The following ARHGEF3 variants were observed in gnomAD, a reference collection of about 807,000 sequenced individuals.
ARHGEF3 encodes 59.8 kDA protein.
Under a neutral mutation model 63.2 loss-of-function variants are expected in ARHGEF3, and 28 were observed. That is an observed-to-expected ratio of 0.44 (90% CI 0.33 to 0.61). ARHGEF3 has a LOEUF of 0.61. Ranked by LOEUF, ARHGEF3 falls within the 20% of genes least tolerant of loss-of-function variation. The pLI is 0.03. For missense variants in ARHGEF3, 533 were observed against 659.3 expected (o/e 0.81, Z 2.10); for synonymous variants, 266 against 254.2 (o/e 1.05, Z -0.44).
chr3:57,076,923 C>T (rs181062453), intron 1 of ARHGEF3: 1 of 152,210 alleles, frequency 6.6e-6, no homozygotes, highest in Admixed American at 6.5e-5. Context: ...AAGATCATCC[C>T]GGGCAAGCTC....
intron 2 of ARHGEF3, among the ~76,000 whole-genome samples, chr3:56,971,371 G>A (rs1195384955): frequency 6.6e-6 from 1 of 152,112 alleles, no homozygotes; most frequent in Non-Finnish European, 1.5e-5. Context: ...GCGTCTCTCA[G>A]GCCGTGCTGG....
chr3:56,814,565 T>A (rs943202894), intron 4 of ARHGEF3, among the ~76,000 whole-genome samples: 1 of 152,180 alleles, frequency 6.6e-6, no homozygotes, highest in Non-Finnish European at 1.5e-5. Flanking sequence ...TAAAAACACA[T>A]GAATAATCCA....
intron 2 of ARHGEF3, among the ~76,000 whole-genome samples, chr3:56,985,224 G>A (rs1701487552): frequency 1.3e-5 from 2 of 152,170 alleles, no homozygotes; most frequent in African/African-American, 4.8e-5. Context: ...AAGTAGCTGG[G>A]ACTATAGGTG....
intron 3 of ARHGEF3, among the ~76,000 whole-genome samples, chr3:56,905,473 T>A (rs530811156): frequency 6.6e-6 from 1 of 152,372 alleles, no homozygotes; most frequent in Admixed American, 6.5e-5. Flanking sequence ...AATGTATTTA[T>A]TTAAGTCCCC....
chr3:56,854,953 G>A (rs1160499401), intron 4 of ARHGEF3, among the ~76,000 whole-genome samples: 1 of 152,206 alleles, frequency 6.6e-6, no homozygotes, highest in Non-Finnish European at 1.5e-5. Flanking sequence ...GTAAACAGGA[G>A]AGTGTGCAGT....
chr3:57,028,234 C>T (rs1423398969), intron 2 of ARHGEF3, among the ~76,000 whole-genome samples: 2 of 136,640 alleles, frequency 1.5e-5, no homozygotes, highest in Non-Finnish European at 3.1e-5. Context: ...TATAAAGACA[C>T]ATGCACACGT....
chr3:57,055,871 T>C (rs1299730319), intron 1 of ARHGEF3, among the ~76,000 whole-genome samples: 2 of 152,184 alleles, frequency 1.3e-5, no homozygotes, highest in Non-Finnish European at 2.9e-5. Context: ...TCCACAACTT[T>C]CCATAAGTCC....
At chr3:57,007,226 G>A (rs971805062) in intron 2 of ARHGEF3, 13 of 1,289,382 alleles carry the variant, frequency 1.0e-5, no homozygotes, top group Non-Finnish European at 1.2e-5. Context: ...CGAAGGTGGG[G>A]GGGTCAATAA....
intron 7 of ARHGEF3, 149 bp from the exon 8 acceptor site, chr3:56,737,504 A>AC: frequency 1.7e-6 from 1 of 587,312 alleles, no homozygotes; most frequent in Non-Finnish European, 2.9e-6. Flanking sequence ...AGAAAAAAAA[A>AC]AAACATAAAT....
chr3:56,821,052 AC>A (rs1001836683), intron 4 of ARHGEF3, among the ~76,000 whole-genome samples: 10 of 152,060 alleles, frequency 6.6e-5, no homozygotes, highest in Non-Finnish European at 5.9e-5. Flanking sequence ...AATCCCAGCT[AC>A]CTGGGAGGCA....
intron 3 of ARHGEF3, chr3:56,941,103 A>G: frequency 6.5e-6 from 1 of 153,136 alleles, no homozygotes; most frequent in Non-Finnish European, 1.5e-5. Flanking sequence ...GAGAACTGGG[A>G]GAGGAGGTGG....
Position 56,970,376 on chromosome 3 carries a change from T to A in ARHGEF3, c.63-11487A>T, listed in dbSNP as rs73833781. Among the ~76,000 whole-genome samples, 531 of 152,062 alleles carry A rather than the reference T, an allele frequency of 3.5e-3. 2 individuals carry two copies. The highest frequency in any genetic ancestry group is 0.012 in the African/African-American group (480 of 41,488). On this transcript the variant is annotated intron_variant, in intron 2 of 12. Coordinates refer to the ARHGEF3 transcript ENST00000338458. ...CTATTAACTACTCCAGAAGAGAAAA[T>A]TCAGTAAATAAGCTGAGAAAGCAAG...
rs1193823551 is a variant in ARHGEF3, at chr3:56,967,532, A to AAT, written c.63-8645_63-8644dup. ...ATATAATATAATATATTATATGTATAATATATTACATATTATGTACATTAT... is the reference window on the plus strand; with the variant it reads ...ATATAATATAATATATTATATGTATAATATATATTACATATTATGTACATTAT... On this transcript the variant is annotated intron_variant, in intron 2 of 12. Transcript: ENST00000338458. Among the ~76,000 whole-genome samples the AAT allele has an allele frequency of 2.6e-4, 23 of 90,152 alleles. No homozygotes were observed. In the Admixed American group the frequency reaches 3.5e-3, roughly 14 times the overall value. The allele number at this position is 90,152 out of a possible 152,430, so 59.1% of individuals were successfully genotyped here.
At chr3:57,011,399 A>G (rs1000517021) in intron 2 of ARHGEF3, among the ~76,000 whole-genome samples, 4 of 152,202 alleles carry the variant, frequency 2.6e-5, no homozygotes, top group African/African-American at 9.7e-5. Flanking sequence ...CCCACATTCA[A>G]ATATATACGT....
Position 57,042,688 on chromosome 3 carries a change from A to ATTTTTTT in ARHGEF3, c.-27-7513_-27-7512insAAAAAAA, listed in dbSNP as rs1560156283. Among the ~76,000 whole-genome samples, 14 of 8,854 alleles carry ATTTTTTT rather than the reference A, an allele frequency of 1.6e-3. 1 individual carries two copies. Among genetic ancestry groups the ATTTTTTT allele is most frequent in the South Asian group, 0.013 (3 of 224 alleles). The allele number at this position is 8,854 out of a possible 152,430, so 5.8% of individuals were successfully genotyped here. A position where few individuals can be genotyped will look rare whatever the true frequency, so the allele number is the denominator to read the frequency against. The stretch of plus-strand genomic sequence containing the variant: ...TATATATATATATATATATATATAT[A>ATTTTTTT]TATATATATATATTTTTTTTTTTTT... On this transcript the variant is annotated intron_variant, in intron 1 of 12. Transcript: ENST00000338458.
chr3:57,019,935 G>C (rs921837598), intron 2 of ARHGEF3, among the ~76,000 whole-genome samples: 1 of 152,112 alleles, frequency 6.6e-6, no homozygotes, highest in African/African-American at 2.4e-5. Context: ...TTTCACTCTT[G>C]TTGCCCAGGC....
At chr3:56,946,294 T>G (rs558477164) in intron 3 of ARHGEF3, among the ~76,000 whole-genome samples, 2 of 151,826 alleles carry the variant, frequency 1.3e-5, no homozygotes, top group Non-Finnish European at 2.9e-5. Context: ...CTTTGACGAG[T>G]TGAGAGAAGA....
At chr3:56,857,252 C>T (rs1006537114) in intron 4 of ARHGEF3, among the ~76,000 whole-genome samples, 2 of 152,104 alleles carry the variant, frequency 1.3e-5, no homozygotes, top group African/African-American at 4.8e-5. Flanking sequence ...CGTTGATTTC[C>T]CTTTCTCCCT....
chr3:56,972,735 G>A (rs1298606594), intron 2 of ARHGEF3, among the ~76,000 whole-genome samples: 1 of 152,068 alleles, frequency 6.6e-6, no homozygotes, highest in African/African-American at 2.4e-5. Context: ...AGAAGGAGCT[G>A]AAACCAGATG....
Sources: gnomAD v4.1 joint callset for allele counts (sites outside exome capture counted in the v4.1 genomes callset) on GRCh38, gnomAD v4.1.1 for gene constraint, MANE v1.5 for transcripts, NCBI Gene and HGNC (gene_info 2026-07-23, HGNC 2026-07-21) for gene names.